Variants in ADAM32 observed in about 807,000 individuals in gnomAD.
ADAM32 encodes disintegrin and metalloproteinase domain-containing protein 32.
Under a neutral mutation model 114.9 loss-of-function variants are expected in ADAM32, and 89 were observed. That is an observed-to-expected ratio of 0.77 (90% CI 0.65 to 0.92). ADAM32 has a LOEUF of 0.92. ADAM32 is among the 40% of genes least tolerant of loss of function. The pLI is 0.00. For missense variants in ADAM32, 870 were observed against 932.8 expected, an observed-to-expected ratio of 0.93 and a Z score of 0.88; for synonymous variants, 285 against 307.5, an observed-to-expected ratio of 0.93 and a Z score of 0.77.
At chr8:39,206,190 G>A (rs888287699) in intron 11 of ADAM32, among the ~76,000 whole-genome samples, 1 of 152,214 alleles carries the variant, frequency 6.6e-6, no homozygotes, top group African/African-American at 2.4e-5. Context: ...AGCTTGGTCT[G>A]TGTTTGTTAG....
At chr8:39,161,438 T>A (rs1187417083) in intron 7 of ADAM32, among the ~76,000 whole-genome samples, 2 of 152,192 alleles carry the variant, frequency 1.3e-5, no homozygotes, top group African/African-American at 4.8e-5. Flanking sequence ...CCCATTCTAG[T>A]CCATTGTTTA....
chr8:39,213,275 A>G (rs538169747), intron 12 of ADAM32, among the ~76,000 whole-genome samples: 46 of 152,224 alleles, frequency 3.0e-4, no homozygotes, highest in African/African-American at 1.1e-3. Flanking sequence ...GTAATGATCA[A>G]ATCAGGGTAA....
At position 39,257,723 on chromosome 8, in the gene ADAM32, T is replaced by A. The variant is rs969615335; in HGVS notation, c.2162+380T>A. Among the ~76,000 whole-genome samples, 38 of 152,174 alleles carry A rather than the reference T, an allele frequency of 2.5e-4. 1 individual carries two copies. Among genetic ancestry groups the A allele is most frequent in the Admixed American group, 2.5e-3 (38 of 15,268 alleles). On this transcript the variant is annotated intron_variant, in intron 19 of 24. Transcript: ENST00000379907. ...TTTTAATTCACATTGCTGGCTCATATAAGAAGTAATTTTAAAAATATTCTT... is the reference window on the plus strand; with the variant it reads ...TTTTAATTCACATTGCTGGCTCATAAAAGAAGTAATTTTAAAAATATTCTT...
intron 11 of ADAM32, among the ~76,000 whole-genome samples, chr8:39,193,826 C>A (rs1337167484): frequency 2.0e-5 from 3 of 152,124 alleles, no homozygotes; most frequent in Non-Finnish European, 4.4e-5. Flanking sequence ...GTATCATGCC[C>A]CAGCTTTGTT....
chr8:39,211,382 TC>T, intron 12 of ADAM32, 58 bp downstream of exon 12: 3 of 1,367,886 alleles, frequency 2.2e-6, no homozygotes, highest in Non-Finnish European at 2.9e-6. Context: ...TTTATCTTTT[TC>T]ATAAATGTCA....
chr8:39,204,248 C>T (rs961750920), intron 11 of ADAM32, among the ~76,000 whole-genome samples: 1 of 152,222 alleles, frequency 6.6e-6, no homozygotes, highest in Non-Finnish European at 1.5e-5. Context: ...GTTCCATTCT[C>T]ACCATCACTT....
chr8:39,203,544 C>T (rs940100138), intron 11 of ADAM32, among the ~76,000 whole-genome samples: 735 of 152,184 alleles, frequency 4.8e-3, no homozygotes, highest in African/African-American at 0.017. Context: ...GGAGATGGGT[C>T]TCCTGAATAC....
At chr8:39,249,878 A>G (rs1377851551) in intron 17 of ADAM32, among the ~76,000 whole-genome samples, 2 of 152,076 alleles carry the variant, frequency 1.3e-5, no homozygotes, top group Non-Finnish European at 2.9e-5. Context: ...AGATAATTTC[A>G]AAGGATTAAA....
At chr8:39,223,296 A>T in intron 14 of ADAM32, 58 bp downstream of exon 14, 2 of 1,176,978 alleles carry the variant, frequency 1.7e-6, no homozygotes, top group Non-Finnish European at 1.1e-6. Context: ...CATTACCAGG[A>T]TAATGGGGTA....
chr8:39,262,506 C>T (rs1218506767), intron 19 of ADAM32, among the ~76,000 whole-genome samples: 1 of 151,900 alleles, frequency 6.6e-6, no homozygotes, highest in Non-Finnish European at 1.5e-5. Flanking sequence ...TCTTTTTTCT[C>T]AGGATTGTTT....
intron 1 of ADAM32, among the ~76,000 whole-genome samples, chr8:39,111,720 CAAAAAAAAAAA>C (rs11343568): frequency 1.3e-5 from 1 of 78,298 alleles, no homozygotes; most frequent in African/African-American, 4.7e-5. Context: ...GACTCTTTCT[CAAAAAAAAAAA>C]AAAAAAAAAA....
At chr8:39,164,878 A>G (rs1267199069) in intron 8 of ADAM32, 43 bp downstream of exon 8, 3 of 1,564,010 alleles carry the variant, frequency 1.9e-6, no homozygotes, top group Non-Finnish European at 2.6e-6. Flanking sequence ...GTTGTTTTGA[A>G]ATGATAATTT....
chr8:39,265,135 C>G (rs1226904480), intron 19 of ADAM32, among the ~76,000 whole-genome samples: 3 of 152,188 alleles, frequency 2.0e-5, no homozygotes, highest in Non-Finnish European at 4.4e-5. Flanking sequence ...TTCTCAACAT[C>G]TCTTCGTAGG....
chr8:39,122,256 T>C (rs939759526), intron 2 of ADAM32, among the ~76,000 whole-genome samples: 5 of 152,204 alleles, frequency 3.3e-5, no homozygotes, highest in African/African-American at 1.2e-4. Context: ...AAGAATGTTA[T>C]GAATTGAATT....
intron 2 of ADAM32, among the ~76,000 whole-genome samples, chr8:39,125,229 T>C (rs1802041404): frequency 6.6e-6 from 1 of 152,236 alleles, no homozygotes; most frequent in African/African-American, 2.4e-5. Context: ...TTACGTTCCT[T>C]GTAAACTCTG....
intron 10 of ADAM32, among the ~76,000 whole-genome samples, chr8:39,172,216 C>A (rs1805245370): frequency 6.6e-6 from 1 of 152,040 alleles, no homozygotes; most frequent in Non-Finnish European, 1.5e-5. Context: ...GAAATCCCAT[C>A]TTCCTTTTCT....
At chr8:39,123,972 G>A (rs1214753213) in intron 2 of ADAM32, among the ~76,000 whole-genome samples, 3 of 151,548 alleles carry the variant, frequency 2.0e-5, no homozygotes, top group Non-Finnish European at 4.4e-5. Context: ...CTCTCAAAGT[G>A]CTGGGATTAC....
chr8:39,242,576 T>C (rs923788284), intron 16 of ADAM32, among the ~76,000 whole-genome samples: 23 of 152,154 alleles, frequency 1.5e-4, no homozygotes, highest in African/African-American at 5.5e-4. Flanking sequence ...CCATCAGATC[T>C]CATGAGATTT....
Position 39,187,332 on chromosome 8 carries a change from C to T in ADAM32, c.1052+287C>T, listed in dbSNP as rs570982129. ...TTTCGCCCAGGCCAGACTGCAGTGGCGCTGTCTCGGCTCACTGCAAGCTCT... is the reference window on the plus strand; with the variant it reads ...TTTCGCCCAGGCCAGACTGCAGTGGTGCTGTCTCGGCTCACTGCAAGCTCT... On this transcript the variant is annotated intron_variant, in intron 11 of 24. Transcript: ENST00000379907. 8.5e-5 allele frequency among the ~76,000 whole-genome samples: 13 copies of T among 152,262 alleles called. 1 individual carries two copies. Among genetic ancestry groups the T allele is most frequent in the South Asian group, 8.3e-4 (4 of 4,824 alleles).
Sources: gnomAD v4.1 joint callset for allele counts (sites outside exome capture counted in the v4.1 genomes callset) on GRCh38, gnomAD v4.1.1 for gene constraint, MANE v1.5 for transcripts, NCBI Gene and HGNC (gene_info 2026-07-23, HGNC 2026-07-21) for gene names.